Variants in VPS37C observed in about 807,000 individuals in gnomAD.
VPS37C encodes the protein vacuolar protein sorting-associated protein 37C.
In VPS37C, 9 loss-of-function variants were observed where a neutral mutation model predicts 16.1. The ratio of observed to expected loss-of-function variants is 0.56; its 90% confidence interval spans 0.34 to 0.97. VPS37C has a LOEUF of 0.97. Among genes scored for constraint, VPS37C ranks in the 50% least tolerant of loss-of-function variants. The probability of loss-of-function intolerance (pLI) is 0.02; values close to 1 mark genes in which losing one functional copy is unlikely to be tolerated. For missense variants in VPS37C, 479 were observed against 472.7 expected (o/e 1.01, Z -0.12); for synonymous variants, 207 against 206.4 (o/e 1.00, Z -0.02).
chr11:61,142,975 TAAAAAAAAAAA>T, intron 1 of VPS37C, among the ~76,000 whole-genome samples: 20 of 47,590 alleles, frequency 4.2e-4, no homozygotes, highest in Non-Finnish European at 7.6e-4. Flanking sequence ...AAAGAATAGC[TAAAAAAAAAAA>T]AAAAAAAAAA....
At chr11:61,133,650 A>G (rs1861312305) in intron 3 of VPS37C, among the ~76,000 whole-genome samples, 1 of 152,160 alleles carries the variant, frequency 6.6e-6, no homozygotes, top group Non-Finnish European at 1.5e-5. Flanking sequence ...CCTGAGTGTC[A>G]AGCTTTCTCA....
chr11:61,132,727 G>T, intron 4 of VPS37C, 188 bp from the exon 5 acceptor site: 1 of 797,186 alleles, frequency 1.3e-6, no homozygotes, highest in Non-Finnish European at 1.9e-6. Flanking sequence ...TCACTAGAAT[G>T]TCAGTCCCTT....
chr11:61,143,967 AATT>A (rs1861516807), intron 1 of VPS37C: 2 of 127,748 alleles, frequency 1.6e-5, no homozygotes, highest in Non-Finnish European at 3.3e-5. Flanking sequence ...GCCGATTCTT[AATT>A]TTTTTTTTTT....
intron 1 of VPS37C, among the ~76,000 whole-genome samples, chr11:61,150,057 G>T (rs890287343): frequency 6.6e-6 from 1 of 152,076 alleles, no homozygotes; most frequent in Non-Finnish European, 1.5e-5. Flanking sequence ...GACTCCTCCC[G>T]AACCTGCTGA....
intron 1 of VPS37C, among the ~76,000 whole-genome samples, chr11:61,158,098 C>T (rs1277293904): frequency 6.6e-6 from 1 of 152,186 alleles, no homozygotes; most frequent in African/African-American, 2.4e-5. Context: ...TATAAATTAT[C>T]CAGCTTCAGG....
chr11:61,156,025 G>A (rs1194190975), intron 1 of VPS37C, among the ~76,000 whole-genome samples: 1 of 151,658 alleles, frequency 6.6e-6, no homozygotes, highest in Admixed American at 6.6e-5. Flanking sequence ...AAGATAGGCT[G>A]TAGCAAATTA....
chr11:61,155,674 C>A (rs1382908609), intron 1 of VPS37C, among the ~76,000 whole-genome samples: 1 of 152,018 alleles, frequency 6.6e-6, no homozygotes, highest in Non-Finnish European at 1.5e-5. Context: ...TCTCTAGACA[C>A]CCAAAAGCTG....
intron 1 of VPS37C, among the ~76,000 whole-genome samples, chr11:61,153,265 G>A (rs980909108): frequency 3.9e-5 from 6 of 152,160 alleles, no homozygotes; most frequent in Non-Finnish European, 1.5e-5. Context: ...AGCTATGATG[G>A]TTTTATAAGT....
intron 4 of VPS37C, 153 bp downstream of exon 4, chr11:61,133,102 G>T (rs1258560217): frequency 2.4e-6 from 2 of 827,596 alleles, no homozygotes; most frequent in South Asian, 1.4e-5. Context: ...TACCCAAAAG[G>T]CCTCCCCAGG....
At chr11:61,158,871 A>G (rs930063798) in intron 1 of VPS37C, among the ~76,000 whole-genome samples, 1 of 152,380 alleles carries the variant, frequency 6.6e-6, no homozygotes, top group East Asian at 1.9e-4. Context: ...CTAAGTAAAC[A>G]TGCCTTTACA....
At chr11:61,142,975 TAAAAAA>T in intron 1 of VPS37C, among the ~76,000 whole-genome samples, 3 of 47,588 alleles carry the variant, frequency 6.3e-5, no homozygotes, top group South Asian at 1.7e-3. Context: ...AAAGAATAGC[TAAAAAA>T]AAAAAAAAAA....
intron 1 of VPS37C, among the ~76,000 whole-genome samples, chr11:61,141,486 A>T (rs1418863978): frequency 6.6e-6 from 1 of 152,072 alleles, no homozygotes; most frequent in African/African-American, 2.4e-5. Flanking sequence ...CACACCCCAA[A>T]TCCAAACCCA....
At position 61,131,530 on chromosome 11, in the gene VPS37C, GCTCA is replaced by G. The variant is rs1861258569; in HGVS notation, c.*286_*289del. On this transcript the variant is annotated 3_prime_UTR_variant, in exon 5 of 5. Coordinates refer to ENST00000301765, the MANE Select transcript of VPS37C (RefSeq NM_017966.5). ...TAGATGCTCATAAATGCGCACATGC[GCTCA>G]CTCACACAGACACCGGCGAGAGGTG... The G allele has an allele frequency of 8.4e-6, 3 of 358,398 alleles. No homozygotes were observed. The highest frequency in any genetic ancestry group is 7.1e-4 in the Middle Eastern group (1 of 1,402). The allele number at this position is 358,398 out of a possible 1,614,324, so 22.2% of individuals were successfully genotyped here.
Position 61,130,734 on chromosome 11 carries a change from T to C in VPS37C, c.*1086A>G. Reference sequence around the variant, plus strand: ...AGAGACATAATCCCCACCCTTTACATTCTGAAGACAGGGAGGTGTGAAAAA... The same window carrying C: ...AGAGACATAATCCCCACCCTTTACACTCTGAAGACAGGGAGGTGTGAAAAA... On this transcript the variant is annotated 3_prime_UTR_variant, in exon 5 of 5. Coordinates refer to ENST00000301765, the MANE Select transcript of VPS37C (RefSeq NM_017966.5). 1 of 419,246 alleles carries C rather than the reference T, an allele frequency of 2.4e-6. No individual in the cohort carries two copies. The highest frequency in any genetic ancestry group is 4.7e-6 in the Non-Finnish European group (1 of 215,048). 26.0% of individuals were successfully genotyped at this position (419,246 alleles called of 1,614,324 possible).
At chr11:61,142,431 A>G (rs1039375143) in intron 1 of VPS37C, among the ~76,000 whole-genome samples, 9 of 152,090 alleles carry the variant, frequency 5.9e-5, no homozygotes, top group African/African-American at 9.7e-5. Context: ...ATGGGGTCTC[A>G]CTATTTGATC....
chr11:61,151,620 C>T (rs1273212085), intron 1 of VPS37C, among the ~76,000 whole-genome samples: 1 of 152,160 alleles, frequency 6.6e-6, no homozygotes, highest in Non-Finnish European at 1.5e-5. Context: ...AATAAACAGT[C>T]GCTCGTGATT....
At chr11:61,159,733 A>C (rs1017162938) in intron 1 of VPS37C, among the ~76,000 whole-genome samples, 6 of 68,322 alleles carry the variant, frequency 8.8e-5, no homozygotes, top group Admixed American at 3.5e-4. Flanking sequence ...TAAATAAATA[A>C]ATAAATAAAA....
In VPS37C at chr11:61,131,213, A is replaced by T. The variant is rs1861249877; in HGVS notation, c.*607T>A. On this transcript the variant is annotated 3_prime_UTR_variant, in exon 5 of 5. Coordinates refer to ENST00000301765, the MANE Select transcript of VPS37C (RefSeq NM_017966.5). ...GGCGCTGCTGCCACTCAAATAGGAC[A>T]TAGGACAAGCTTGTCTGACATCAGC... 5.3e-6 allele frequency: 1 copy of T among 187,170 alleles called. No individual in the cohort carries two copies. 11.6% of individuals were successfully genotyped at this position (187,170 alleles called of 1,614,324 possible).
At chr11:61,147,061 A>G (rs663920) in intron 1 of VPS37C, among the ~76,000 whole-genome samples, 112,561 of 151,678 alleles carry the variant, frequency 0.74, 43,278 homozygotes, top group East Asian at 1. Flanking sequence ...TTTCAACTCA[A>G]AGTTGTGAGA....
Sources: gnomAD v4.1 joint callset for allele counts (sites outside exome capture counted in the v4.1 genomes callset) on GRCh38, gnomAD v4.1.1 for gene constraint, MANE v1.5 for transcripts, NCBI Gene and HGNC (gene_info 2026-07-23, HGNC 2026-07-21) for gene names.